The following HEMK2 variants were observed in gnomAD, a reference collection of about 807,000 sequenced individuals.
The protein encoded by HEMK2 is HemK methyltransferase 2, ETF1 glutamine and histone H4 lysine, also known as methyltransferase HEMK2.
chr21:28,721,640 T>C, the HEMK2 span, among the ~76,000 whole-genome samples: 23 of 152,136 alleles, frequency 1.5e-4, no homozygotes, highest in Non-Finnish European at 3.1e-4. Context: ...AATAGTGAAC[T>C]AGACCACCAT....
chr21:28,679,750 T>C, the HEMK2 span, among the ~76,000 whole-genome samples: 1 of 152,092 alleles, frequency 6.6e-6, no homozygotes, highest in Non-Finnish European at 1.5e-5. Flanking sequence ...AGAAACTCAC[T>C]CAAAACCACT....
the HEMK2 span, among the ~76,000 whole-genome samples, chr21:28,843,976 A>AT: frequency 1.3e-5 from 2 of 152,158 alleles, no homozygotes; most frequent in African/African-American, 4.8e-5. Context: ...ATTAGAGCAC[A>AT]TTATAAGTGT....
At chr21:28,831,462 C>CGAACGAACGAAA in the HEMK2 span, among the ~76,000 whole-genome samples, 1 of 23,612 alleles carries the variant, frequency 4.2e-5, no homozygotes. Context: ...AAGAAAAGAA[C>CGAACGAACGAAA]GAAAGAAAGA....
the HEMK2 span, among the ~76,000 whole-genome samples, chr21:28,846,423 TAA>T: frequency 1.3e-5 from 2 of 152,146 alleles, no homozygotes; most frequent in African/African-American, 2.4e-5. Context: ...CAGCAATATA[TAA>T]GTGTTCCTTT....
the HEMK2 span, among the ~76,000 whole-genome samples, chr21:28,643,080 C>T: frequency 6.6e-6 from 1 of 152,134 alleles, no homozygotes; most frequent in Non-Finnish European, 1.5e-5. Flanking sequence ...CTAAGGCTGG[C>T]TGGGTAGCTG....
the HEMK2 span, among the ~76,000 whole-genome samples, chr21:28,698,649 G>A: frequency 2.6e-5 from 4 of 152,064 alleles, no homozygotes; most frequent in South Asian, 6.2e-4. Flanking sequence ...TTTTATGAAG[G>A]ATTGAAGTAT....
the HEMK2 span, among the ~76,000 whole-genome samples, chr21:28,761,326 G>T: frequency 6.6e-6 from 1 of 151,214 alleles, no homozygotes; most frequent in Non-Finnish European, 1.5e-5. Flanking sequence ...AAACTTTTCT[G>T]TGAGTAAGAA....
chr21:28,878,243 G>A, the HEMK2 span: 4 of 1,604,320 alleles, frequency 2.5e-6, no homozygotes, highest in African/African-American at 1.3e-5. Context: ...CTTGGTGAAA[G>A]GAGATCTGGA....
At chr21:28,624,103 A>C in the HEMK2 span, among the ~76,000 whole-genome samples, 1 of 152,230 alleles carries the variant, frequency 6.6e-6, no homozygotes, top group Non-Finnish European at 1.5e-5. Context: ...TCAGCAAAAC[A>C]ATTTTAATGT....
chr21:28,630,195 C>T, the HEMK2 span, among the ~76,000 whole-genome samples: 1 of 151,852 alleles, frequency 6.6e-6, no homozygotes, highest in Non-Finnish European at 1.5e-5. Flanking sequence ...TTTTCACTGG[C>T]CATCAGAGAA....
chr21:28,864,854 GATAGATAGATA>G, the HEMK2 span, among the ~76,000 whole-genome samples: 19 of 136,084 alleles, frequency 1.4e-4, no homozygotes, highest in African/African-American at 4.5e-4. Context: ...TAGATAGATA[GATAGATAGATA>G]GATGGATGAT....
the HEMK2 span, among the ~76,000 whole-genome samples, chr21:28,831,412 T>C: frequency 1.4e-5 from 2 of 139,322 alleles, no homozygotes; most frequent in African/African-American, 5.4e-5. Flanking sequence ...GCCACTGTAC[T>C]CCAGCCTGGG....
the HEMK2 span, among the ~76,000 whole-genome samples, chr21:28,815,683 A>C: frequency 6.6e-6 from 1 of 152,160 alleles, no homozygotes; most frequent in African/African-American, 2.4e-5. Context: ...GGTGACAAAG[A>C]CAAAGATGAG....
chr21:28,662,302 G>A, the HEMK2 span, among the ~76,000 whole-genome samples: 9 of 152,118 alleles, frequency 5.9e-5, no homozygotes, highest in Non-Finnish European at 1.2e-4. Context: ...ATGCCCCACT[G>A]ATAGACTTTT....
At chr21:28,834,894 C>T in the HEMK2 span, among the ~76,000 whole-genome samples, 1 of 152,060 alleles carries the variant, frequency 6.6e-6, no homozygotes, top group Admixed American at 6.6e-5. Flanking sequence ...CCTAGACAAC[C>T]TGCATGACTC....
At chr21:28,594,354 T>C in the HEMK2 span, among the ~76,000 whole-genome samples, 2 of 152,184 alleles carry the variant, frequency 1.3e-5, no homozygotes, top group South Asian at 2.1e-4. Flanking sequence ...TTAATAATAA[T>C]GTACTCATAT....
chr21:28,835,431 T>C, the HEMK2 span, among the ~76,000 whole-genome samples: 1 of 152,146 alleles, frequency 6.6e-6, no homozygotes, highest in African/African-American at 2.4e-5. Flanking sequence ...GTCACATCCA[T>C]AGGAAAAGGG....
chr21:28,600,909 T>A, the HEMK2 span, among the ~76,000 whole-genome samples: 180 of 152,288 alleles, frequency 1.2e-3, 2 homozygotes, highest in African/African-American at 3.6e-3. Flanking sequence ...TTTATTCCAG[T>A]TTCCAATAAG....
At chr21:28,834,521 G>C in the HEMK2 span, among the ~76,000 whole-genome samples, 1 of 152,190 alleles carries the variant, frequency 6.6e-6, no homozygotes, top group African/African-American at 2.4e-5. Context: ...GGCTCCCCTA[G>C]CAGGCCATTC....
Sources: allele counts gnomAD v4.1 joint callset (sites outside exome capture counted in the v4.1 genomes callset), GRCh38; gene constraint gnomAD v4.1.1; transcripts MANE v1.5; gene names NCBI Gene and HGNC (gene_info 2026-07-23, HGNC 2026-07-21).